Variants in PLEKHA7 observed in about 807,000 individuals in gnomAD.
The protein encoded by PLEKHA7 is pleckstrin homology domain-containing family A member 7.
PLEKHA7 carries 104 observed loss-of-function variants against 170.0 expected under a neutral mutation model. The ratio of observed to expected loss-of-function variants is 0.61; its 90% CI spans 0.52 to 0.72. The LOEUF (loss-of-function observed/expected upper bound fraction) is 0.72, where lower values mean the gene tolerates loss of function less well. Ranked by LOEUF, PLEKHA7 falls within the 30% of genes least tolerant of loss-of-function variation. The pLI, the probability that PLEKHA7 is intolerant of heterozygous loss-of-function variation, is 0.00. For synonymous variants in PLEKHA7, 648 were observed against 660.8 expected (o/e 0.98, Z 0.30); for missense variants, 1,615 against 1,671.7 (o/e 0.97, Z 0.59).
chr11:17,001,347 T>C (rs1468489), intron 3 of PLEKHA7, among the ~76,000 whole-genome samples: 92,537 of 152,062 alleles, frequency 0.61, 28,876 homozygotes, highest in East Asian at 0.96. Flanking sequence ...ACTGCTCCTC[T>C]AATAAGCTGC....
At chr11:16,779,957 G>GT (rs1410419338) in intron 26 of PLEKHA7, among the ~76,000 whole-genome samples, 2 of 123,854 alleles carry the variant, frequency 1.6e-5, no homozygotes, top group Admixed American at 9.3e-5. Flanking sequence ...CTGAGCTTTT[G>GT]TTTTTTCATC....
At chr11:17,007,005 T>C (rs1590839124) in intron 3 of PLEKHA7, among the ~76,000 whole-genome samples, 1 of 152,222 alleles carries the variant, frequency 6.6e-6, no homozygotes, top group African/African-American at 2.4e-5. Context: ...AGAGGTAACC[T>C]TCTGAAGGAC....
intron 3 of PLEKHA7, among the ~76,000 whole-genome samples, chr11:16,873,292 C>T (rs1855015651): frequency 6.6e-6 from 1 of 152,158 alleles, no homozygotes; most frequent in Non-Finnish European, 1.5e-5. Flanking sequence ...TGCCCTAATG[C>T]CTGGTCAGAA....
At chr11:16,936,886 A>G (rs940304725) in intron 3 of PLEKHA7, among the ~76,000 whole-genome samples, 4 of 152,216 alleles carry the variant, frequency 2.6e-5, no homozygotes, top group Non-Finnish European at 5.9e-5. Context: ...AGAACCCATA[A>G]CTCACACAGA....
At chr11:16,803,109 G>C (rs1848710139) in intron 14 of PLEKHA7, 57 bp from the exon 15 acceptor site, 1 of 1,564,920 alleles carries the variant, frequency 6.4e-7, no homozygotes, top group Non-Finnish European at 8.8e-7. Context: ...ACATGACCTT[G>C]GGATTGCAAT....
chr11:16,999,223 CAT>C (rs1864524446), intron 3 of PLEKHA7, among the ~76,000 whole-genome samples: 1 of 151,992 alleles, frequency 6.6e-6, no homozygotes, highest in Non-Finnish European at 1.5e-5. Context: ...TGCCGGGACA[CAT>C]GTATTCTCCC....
chr11:16,857,212 G>A (rs543454079), intron 4 of PLEKHA7, among the ~76,000 whole-genome samples: 4 of 152,348 alleles, frequency 2.6e-5, no homozygotes, highest in South Asian at 2.1e-4. Flanking sequence ...AGAAGTAGCC[G>A]TGACTACTGC....
intron 9 of PLEKHA7, among the ~76,000 whole-genome samples, chr11:16,833,976 G>A (rs1851316404): frequency 7.4e-6 from 1 of 135,900 alleles, no homozygotes; most frequent in Non-Finnish European, 1.6e-5. Flanking sequence ...CTGAGCTCAG[G>A]AGTTTTATAT....
chr11:16,874,753 A>C (rs1855146891), intron 3 of PLEKHA7, among the ~76,000 whole-genome samples: 1 of 152,174 alleles, frequency 6.6e-6, no homozygotes, highest in Admixed American at 6.5e-5. Context: ...TCTGAGTGAC[A>C]GCACTTGTGT....
intron 4 of PLEKHA7, among the ~76,000 whole-genome samples, chr11:16,861,855 T>C (rs1341001605): frequency 1.3e-5 from 2 of 152,004 alleles, no homozygotes; most frequent in African/African-American, 2.4e-5. Flanking sequence ...GAAAAGTAAA[T>C]GAGAAGAGGA....
At position 16,841,676 on chromosome 11, in the gene PLEKHA7, G is replaced by A. The variant is rs16933529; in HGVS notation, c.743C>T (p.Ala248Val). The A allele has an allele frequency of 0.012, 19,487 of 1,614,028 alleles. 1,695 individuals are homozygous for A. In the African/African-American group the frequency reaches 0.21, roughly 17 times the overall value. Residue 248 changes from alanine (A) to valine (V), a missense_variant, in exon 9 of 27, where the codon GCG becomes GTG. Ala to Val is a moderately conservative substitution (Grantham distance 64, BLOSUM62 0). Coordinates refer to ENST00000531066, the MANE Select transcript of PLEKHA7 (RefSeq NM_001329630.2). ...GCCTGACTGCTCGGCCTGAGAGCCC[G>A]CTGTGGAGCTGTTATAGATGAGCGC... ...MRALIYNSST[A>V]GSQAEQSGMR...
chr11:16,892,440 T>TGTGTGTGTGTGTGTGTGTGTG lies in PLEKHA7; in HGVS notation c.222-21259_222-21258insCACACACACACACACACACAC, dbSNP rs749414406. On this transcript the variant is annotated intron_variant, in intron 3 of 26. Transcript: ENST00000531066. Reference sequence around the variant, plus strand: ...TGTGTGTGTGTGTGTGTGTGTTTTGTTTTGTTTTGTTTTGTTTTGTTTTGA... The same window carrying TGTGTGTGTGTGTGTGTGTGTG: ...TGTGTGTGTGTGTGTGTGTGTTTTGTGTGTGTGTGTGTGTGTGTGTGTTTGTTTTGTTTTGTTTTGTTTTGA... Among the ~76,000 whole-genome samples the TGTGTGTGTGTGTGTGTGTGTG allele has an allele frequency of 2.4e-4, 25 of 102,506 alleles. 1 individual carries two copies. Among genetic ancestry groups the TGTGTGTGTGTGTGTGTGTGTG allele is most frequent in the Non-Finnish European group, 1.7e-4 (7 of 40,364 alleles). The allele number at this position is 102,506 out of a possible 152,430, so 67.2% of individuals were successfully genotyped here. A position where few individuals can be genotyped will look rare whatever the true frequency, so the allele number is the denominator to read the frequency against.
At chr11:16,998,980 C>A (rs979620547) in intron 3 of PLEKHA7, among the ~76,000 whole-genome samples, 10 of 152,114 alleles carry the variant, frequency 6.6e-5, no homozygotes, top group African/African-American at 2.4e-4. Context: ...TCCAACCAGC[C>A]CTCTATCCTC....
At chr11:16,888,898 G>A in intron 3 of PLEKHA7, among the ~76,000 whole-genome samples, 1 of 76,008 alleles carries the variant, frequency 1.3e-5, no homozygotes, top group Non-Finnish European at 3.6e-5. Flanking sequence ...ATTCAAGAGG[G>A]GGAAGATAAA....
rs1849820428 is a variant in PLEKHA7, at chr11:16,817,099, G to A, written c.1567C>T (p.Leu523Phe). 6.2e-7 allele frequency: 1 copy of A among 1,613,876 alleles called. No individual in the cohort carries two copies. Among genetic ancestry groups the A allele is most frequent in the Non-Finnish European group, 8.5e-7 (1 of 1,179,964 alleles). Reference protein sequence around the residue: ...RAHRDGTVWQLYEWQQRQQFR... With the variant: ...RAHRDGTVWQFYEWQQRQQFR... ...TGCTGGCGCTGCTGCCACTCGTAGA[G>A]CTGCCACACGGTGCCATCCCGGTGC... The change falls in exon 11 of 27, where the codon CTC becomes TTC. Residue 523 changes from leucine to phenylalanine, a missense_variant. By Grantham distance (22) the Leu-to-Phe change is conservative (BLOSUM62 0). Transcript: ENST00000531066. This position sits in a 1 kb window ranked among gnomAD's most constrained non-coding sequence, Gnocchi z 4.4.
chr11:16,825,885 T>C (rs903111679), intron 10 of PLEKHA7, among the ~76,000 whole-genome samples: 1 of 152,240 alleles, frequency 6.6e-6, no homozygotes, highest in Admixed American at 6.5e-5. Flanking sequence ...AGGACTGAAC[T>C]CTGGCCTTAC....
intron 3 of PLEKHA7, among the ~76,000 whole-genome samples, chr11:17,012,674 G>GA (rs1865388096): frequency 6.6e-6 from 1 of 152,146 alleles, no homozygotes. Flanking sequence ...GAACTTTTCT[G>GA]TTTTTTGTTC....
At chr11:16,793,064 G>A (rs1015708100) in intron 19 of PLEKHA7, among the ~76,000 whole-genome samples, 2 of 152,220 alleles carry the variant, frequency 1.3e-5, no homozygotes, top group East Asian at 1.9e-4. Flanking sequence ...AGCCCTGCCT[G>A]AGAGCCACAG....
rs34381620 is a variant in PLEKHA7 at position 16,802,547 on chromosome 11, C to CT, written c.2157+424dup. Among the ~76,000 whole-genome samples the CT allele has an allele frequency of 1.1e-3, 161 of 147,256 alleles. 1 individual carries two copies. Among genetic ancestry groups the CT allele is most frequent in the Middle Eastern group, 3.5e-3 (1 of 284 alleles). On this transcript the variant is annotated intron_variant, in intron 15 of 26. Transcript: ENST00000531066. Reference sequence around the variant, plus strand: ...AAGAAACACCATTTAAACACAAAGGCTTTTTTTTTTTTCCTCCTGAGACGA... The same window carrying CT: ...AAGAAACACCATTTAAACACAAAGGCTTTTTTTTTTTTTCCTCCTGAGACGA...
Sources: allele counts gnomAD v4.1 joint callset (sites outside exome capture counted in the v4.1 genomes callset), GRCh38; gene constraint gnomAD v4.1.1; non-coding constraint Gnocchi (gnomAD v3.1); transcripts MANE v1.5; gene names NCBI Gene and HGNC (gene_info 2026-07-23, HGNC 2026-07-21).